The following KCNK12 variants were observed in gnomAD, a reference collection of about 807,000 sequenced individuals.
KCNK12 encodes potassium two pore domain channel subfamily K member 12.
Under a neutral mutation model 25.3 loss-of-function variants are expected in KCNK12, and 6 were observed. That is an observed-to-expected ratio of 0.24 (90% CI 0.13 to 0.47). The LOEUF is 0.47. Among genes scored for constraint, KCNK12 ranks in the 20% least tolerant of loss-of-function variants. KCNK12 has a pLI of 0.99. For synonymous variants in KCNK12, 331 were observed against 311.1 expected (o/e 1.06, Z -0.67); for missense variants, 444 against 661.7 (o/e 0.67, Z 3.61).
chr2:47,549,370 A>G (rs2104841734), intron 1 of KCNK12, among the ~76,000 whole-genome samples: 1 of 152,316 alleles, frequency 6.6e-6, no homozygotes, highest in African/African-American at 2.4e-5. Context: ...TTGAAAGAGT[A>G]CAAAACAATC....
chr2:47,544,968 C>G lies in KCNK12; in HGVS notation c.392-23160G>C, dbSNP rs920080750. On this transcript the variant is annotated intron_variant, in intron 1 of 1. Coordinates refer to ENST00000327876, the MANE Select transcript of KCNK12 (RefSeq NM_022055.2). The stretch of plus-strand genomic sequence containing the variant: ...GTGGTGAAGCTAAAGGCTTTTTTTC[C>G]CTGTCACTTTTTTTGAGCTTCTCTC... Among the ~76,000 whole-genome samples the G allele has an allele frequency of 3.9e-5, 6 of 152,206 alleles. No individual in the cohort carries two copies. The South Asian group carries it at 1.2e-3, about 32-fold the overall frequency.
Position 47,529,343 on chromosome 2 carries a change from A to C in KCNK12, c.392-7535T>G, listed in dbSNP as rs911973351. 1.3e-5 allele frequency among the ~76,000 whole-genome samples: 2 copies of C among 152,232 alleles called. No individual in the cohort carries two copies. The highest frequency in any genetic ancestry group is 2.4e-5 in the African/African-American group (1 of 41,456). On this transcript the variant is annotated intron_variant, in intron 1 of 1. Transcript: ENST00000327876. The surrounding 1 kb of genome is among the most constrained non-coding windows in gnomAD (Gnocchi z 4.3). Reference sequence around the variant, plus strand: ...ATGGGCCCAGGAATTTCATTTTAACAAATGTCTCCAGATAAATCTGATGTA... The same window carrying C: ...ATGGGCCCAGGAATTTCATTTTAACCAATGTCTCCAGATAAATCTGATGTA...
At chr2:47,561,912 T>C (rs1371342669) in intron 1 of KCNK12, among the ~76,000 whole-genome samples, 1 of 152,170 alleles carries the variant, frequency 6.6e-6, no homozygotes, top group African/African-American at 2.4e-5. Context: ...TTCCCAGATA[T>C]AAGAACATCT....
chr2:47,521,955 C>G (rs1668666363), intron 1 of KCNK12, 147 bp from the exon 2 acceptor site: 1 of 652,076 alleles, frequency 1.5e-6, no homozygotes. Context: ...AAGAACAGCA[C>G]TTAGTCATTT....
At chr2:47,546,835 T>A (rs1669324774) in intron 1 of KCNK12, among the ~76,000 whole-genome samples, 1 of 151,742 alleles carries the variant, frequency 6.6e-6, no homozygotes, top group African/African-American at 2.4e-5. Context: ...AGTTTCAACA[T>A]GCTTGTGCAA....
At chr2:47,521,868 AGGGTGGGGGGTGTGG>A in intron 1 of KCNK12, 60 bp from the exon 2 acceptor site, 1 of 326,424 alleles carries the variant, frequency 3.1e-6, no homozygotes, top group Non-Finnish European at 4.3e-6. Context: ...TCACTGGGCG[AGGGTGGGGGGTGTGG>A]GGGCGGGGGC....
chr2:47,551,677 CG>C lies in KCNK12; in HGVS notation c.391+18263del, dbSNP rs758974301. On this transcript the variant is annotated intron_variant, in intron 1 of 1. Coordinates refer to ENST00000327876, the MANE Select transcript of KCNK12 (RefSeq NM_022055.2). This position sits in a 1 kb window ranked among gnomAD's most constrained non-coding sequence, Gnocchi z 5.3. ...AATCAGTATTACCCCCTACCCCACACGGCACCATATTTTTCTGGAGCTCTCC... is the reference window on the plus strand; with the variant it reads ...AATCAGTATTACCCCCTACCCCACACGCACCATATTTTTCTGGAGCTCTCC... Among the ~76,000 whole-genome samples the C allele has an allele frequency of 5.3e-5, 8 of 152,214 alleles. No individual in the cohort carries two copies. Among genetic ancestry groups the C allele is most frequent in the Non-Finnish European group, 1.0e-4 (7 of 68,038 alleles).
At position 47,519,370 on chromosome 2, in the gene KCNK12, G is replaced by C. The variant is rs1475146363; in HGVS notation, c.*1537C>G. 5 of 152,388 alleles carry C rather than the reference G, an allele frequency of 3.3e-5. No individual in the cohort carries two copies. In the East Asian group the frequency reaches 9.6e-4, roughly 29 times the overall value. 9.4% of individuals were successfully genotyped at this position (152,388 alleles called of 1,614,324 possible). A position where few individuals can be genotyped will look rare whatever the true frequency, so the allele number is the denominator to read the frequency against. On this transcript the variant is annotated 3_prime_UTR_variant, in exon 2 of 2. Transcript: ENST00000327876. ...AGAGAGATTTCACAGCATGGCTCCA[G>C]CTGGAGGCGGTGAGGCGGTGCTTTT...
intron 1 of KCNK12, among the ~76,000 whole-genome samples, chr2:47,536,899 G>A (rs970353754): frequency 6.6e-6 from 1 of 152,266 alleles, no homozygotes; most frequent in Non-Finnish European, 1.5e-5. Flanking sequence ...AGAAGCAGCA[G>A]TTGCTCATAC....
chr2:47,514,662 G>A lies in KCNK12; in HGVS notation c.*6245C>T, dbSNP rs1668481362. Among the ~76,000 whole-genome samples the A allele has an allele frequency of 6.6e-6, 1 of 150,890 alleles. No individual in the cohort carries two copies. The highest frequency in any genetic ancestry group is 1.5e-5 in the Non-Finnish European group (1 of 67,850). On this transcript the variant is annotated 3_prime_UTR_variant, in exon 2 of 2. Coordinates refer to ENST00000327876, the MANE Select transcript of KCNK12 (RefSeq NM_022055.2). The surrounding 1 kb of genome is among the most constrained non-coding windows in gnomAD (Gnocchi z 5.0). ...GTCTTACTCTGTCACCAAGGCTGGA[G>A]TGCAGTGGCATGATCATGGCTCAAT...
intron 1 of KCNK12, among the ~76,000 whole-genome samples, chr2:47,545,613 C>A (rs936922054): frequency 6.6e-6 from 1 of 152,222 alleles, no homozygotes; most frequent in African/African-American, 2.4e-5. Flanking sequence ...AGAATCTCAG[C>A]TCTGTCACTT....
rs1326292077 is a variant in KCNK12 at position 47,538,404 on chromosome 2, G to GT, written c.392-16597dup. 2.6e-5 allele frequency among the ~76,000 whole-genome samples: 4 copies of GT among 152,038 alleles called. No individual in the cohort carries two copies. The highest frequency in any genetic ancestry group is 5.9e-5 in the Non-Finnish European group (4 of 68,030). ...AACGGATGTTTGATAAAGGACTAGG[G>GT]TAAGAGTGTTTCAGGCTAGTCAACA... is the stretch of plus-strand genomic sequence containing the variant. On this transcript the variant is annotated intron_variant, in intron 1 of 1. Coordinates refer to ENST00000327876, the MANE Select transcript of KCNK12 (RefSeq NM_022055.2). The surrounding 1 kb of genome is among the most constrained non-coding windows in gnomAD (Gnocchi z 4.5).
intron 1 of KCNK12, among the ~76,000 whole-genome samples, chr2:47,553,036 A>G (rs970618297): frequency 6.6e-6 from 1 of 152,082 alleles, no homozygotes; most frequent in African/African-American, 2.4e-5. Context: ...CCTCTACCCA[A>G]TTCATCCTGC....
rs1481055259 is a variant in KCNK12, at chr2:47,509,430, C to G, written c.*11477G>C. On this transcript the variant is annotated 3_prime_UTR_variant, in exon 2 of 2. Transcript: ENST00000327876. Reference sequence around the variant, plus strand: ...CCAACAGATTGCAAATTCTCTGTCCCATAGCAGGAAACCACAGTCTCTGAT... The same window carrying G: ...CCAACAGATTGCAAATTCTCTGTCCGATAGCAGGAAACCACAGTCTCTGAT... Among the ~76,000 whole-genome samples the G allele has an allele frequency of 1.3e-5, 2 of 152,222 alleles. No homozygotes were observed. Among genetic ancestry groups the G allele is most frequent in the African/African-American group, 4.8e-5 (2 of 41,450 alleles).
Position 47,509,842 on chromosome 2 carries a change from A to G in KCNK12, c.*11065T>C, listed in dbSNP as rs567934091. Among the ~76,000 whole-genome samples the G allele has an allele frequency of 4.4e-4, 67 of 152,166 alleles. No homozygotes were observed. In the East Asian group the frequency reaches 0.011, roughly 25 times the overall value. On this transcript the variant is annotated 3_prime_UTR_variant, in exon 2 of 2. Transcript: ENST00000327876. ...CAGGGGACTTCCCCCCCACTCCCCA[A>G]CCTGAGGCATGCACCCTCCCTTAGA...
chr2:47,568,542 CAT>C (rs1446815077), intron 1 of KCNK12, among the ~76,000 whole-genome samples: 1 of 152,200 alleles, frequency 6.6e-6, no homozygotes, highest in African/African-American at 2.4e-5. Flanking sequence ...GAAGTGCTTT[CAT>C]AGACTATACA....
At chr2:47,568,946 A>G (rs1353921548) in intron 1 of KCNK12, among the ~76,000 whole-genome samples, 1 of 151,866 alleles carries the variant, frequency 6.6e-6, no homozygotes, top group Non-Finnish European at 1.5e-5. Context: ...GTTTCACATG[A>G]CACCCAGGGC....
At chr2:47,550,720 A>C (rs1312600090) in intron 1 of KCNK12, among the ~76,000 whole-genome samples, 1 of 152,064 alleles carries the variant, frequency 6.6e-6, no homozygotes, top group Non-Finnish European at 1.5e-5. Flanking sequence ...GCCAGAAAAC[A>C]ATCTTTAAGG....
chr2:47,551,665 C>T lies in KCNK12; in HGVS notation c.391+18276G>A, dbSNP rs992404163. Among the ~76,000 whole-genome samples, 1 of 152,148 alleles carries T rather than the reference C, an allele frequency of 6.6e-6. No individual in the cohort carries two copies. The highest frequency in any genetic ancestry group is 2.4e-5 in the African/African-American group (1 of 41,426). The stretch of plus-strand genomic sequence containing the variant: ...TATGACGTGTGAAATCAGTATTACC[C>T]CCTACCCCACACGGCACCATATTTT... On this transcript the variant is annotated intron_variant, in intron 1 of 1. Transcript: ENST00000327876. The surrounding 1 kb of genome is among the most constrained non-coding windows in gnomAD (Gnocchi z 5.3).
Sources: gnomAD v4.1 joint callset for allele counts (sites outside exome capture counted in the v4.1 genomes callset) on GRCh38, gnomAD v4.1.1 for gene constraint, Gnocchi (gnomAD v3.1) non-coding constraint, MANE v1.5 for transcripts, NCBI Gene and HGNC (gene_info 2026-07-23, HGNC 2026-07-21) for gene names.